SLC44A2: variants seen among roughly 807,000 people sequenced by gnomAD.
SLC44A2 encodes the protein choline transporter-like protein 2.
Under a neutral mutation model 90.8 loss-of-function variants are expected in SLC44A2, and 57 were observed. The observed-to-expected ratio is 0.63, with a 90% CI of 0.51 to 0.78. The LOEUF is 0.78. Among genes scored for constraint, SLC44A2 ranks in the 30% least tolerant of loss-of-function variants. SLC44A2 has a pLI of 0.00. For missense variants in SLC44A2, 794 were observed against 919.7 expected (o/e 0.86, Z 1.77); for synonymous variants, 355 against 360.7 (o/e 0.98, Z 0.18).
chr19:10,624,248 G>A (rs1458241116), upstream of SLC44A2, among the ~76,000 whole-genome samples: 3 of 151,912 alleles, frequency 2.0e-5, no homozygotes, highest in East Asian at 3.9e-4. Context: ...CGCCCACCTC[G>A]GCCTCCCAAA....
In SLC44A2 at chr19:10,613,842, A is replaced by G. The variant is rs188155609; in HGVS notation, c.31+11281A>G. On this transcript the variant is annotated intron_variant, in intron 1 of 21. Transcript: ENST00000407327. ...GAAGGTGAAACAGACAAGGAAACAGATTTTCCCCTAAAATCTCCGAAAGAA... is the reference window on the plus strand; with the variant it reads ...GAAGGTGAAACAGACAAGGAAACAGGTTTTCCCCTAAAATCTCCGAAAGAA... 2.3e-4 allele frequency among the ~76,000 whole-genome samples: 35 copies of G among 152,098 alleles called. No individual in the cohort carries two copies. In the East Asian group the frequency reaches 6.2e-3, roughly 27 times the overall value.
Position 10,631,490 on chromosome 19 carries a change from C to T in SLC44A2, c.457C>T (p.Leu153Phe), listed in dbSNP as rs147820753. 8,330 of 1,614,060 alleles carry T rather than the reference C, an allele frequency of 5.2e-3. 21 individuals carry two copies. Among genetic ancestry groups the T allele is most frequent in the Non-Finnish European group, 6.1e-3 (7,252 of 1,180,010 alleles). Residue 153 changes from leucine (L) to phenylalanine (F), a missense_variant, in exon 7 of 22, where the codon CTT becomes TTT. Leu to Phe is a conservative substitution (Grantham distance 22). This residue lies in a region of SLC44A2 where 738 missense variants were observed against 841.1 expected (regional missense o/e 0.88). Coordinates refer to ENST00000335757, the MANE Select transcript of SLC44A2 (RefSeq NM_020428.4). ...CTCTTGGCAGGGAGTGGCTGAGGTG[C>T]TTCAAGATGGTGACTGCCCTGCTGT... is the stretch of plus-strand genomic sequence containing the variant. The part of the protein sequence containing the change: ...FKNNKGVAEV[L>F]QDGDCPAVLI...
intron 10 of SLC44A2, 23 bp downstream of exon 10, chr19:10,632,179 C>T: frequency 6.3e-7 from 1 of 1,584,414 alleles, no homozygotes; most frequent in Non-Finnish European, 8.7e-7. Context: ...CTCCCTGTGG[C>T]TTCTCTTTCC....
chr19:10,633,004 A>G (rs1167587717), intron 10 of SLC44A2, among the ~76,000 whole-genome samples: 2 of 151,820 alleles, frequency 1.3e-5, no homozygotes, highest in African/African-American at 4.8e-5. Flanking sequence ...AAATGAGGGT[A>G]ATTCATATTT....
At position 10,616,731 on chromosome 19, in the gene SLC44A2, G is replaced by C. The variant is rs968803014; in HGVS notation, c.32-9522G>C. On this transcript the variant is annotated intron_variant, in intron 1 of 21. Transcript: ENST00000407327. ...AATACAAAAACTAGCTGGGCATGGT[G>C]GTGGGCGCCTGTCTCAAAAAAAAAA... Among the ~76,000 whole-genome samples, 98 of 151,686 alleles carry C rather than the reference G, an allele frequency of 6.5e-4. 1 individual carries two copies. Among genetic ancestry groups the C allele is most frequent in the Admixed American group, 7.9e-4 (12 of 15,180 alleles).
Position 10,643,008 on chromosome 19 carries a change from C to G in SLC44A2, c.2015-271C>G, listed in dbSNP as rs749889338. 3 of 1,563,660 alleles carry G rather than the reference C, an allele frequency of 1.9e-6. No homozygotes were observed. In the East Asian group the frequency reaches 6.8e-5, roughly 35 times the overall value. On this transcript the variant is annotated intron_variant, in intron 21 of 21. Transcript: ENST00000335757. The stretch of plus-strand genomic sequence containing the variant: ...GCGGAGGAGGGGAAGCGGGCAGAAG[C>G]CGAGGAGTAGAGAGTGAGGGAGACT...
chr19:10,618,762 C>G (rs148237091), intron 1 of SLC44A2, among the ~76,000 whole-genome samples: 7 of 151,928 alleles, frequency 4.6e-5, no homozygotes, highest in African/African-American at 1.2e-4. Context: ...TTAGTAGAGG[C>G]AGGGTTTCGC....
At chr19:10,616,494 C>T (rs1251447706) in intron 1 of SLC44A2, among the ~76,000 whole-genome samples, 14 of 152,088 alleles carry the variant, frequency 9.2e-5, no homozygotes, top group Non-Finnish European at 2.1e-4. Context: ...CTCAAGTGAT[C>T]CACCCACCTT....
rs1175997043 is a variant in SLC44A2, at chr19:10,636,546, C to T, written c.1457C>T (p.Pro486Leu). ...GCCCTGCGCAAGCCGGACGACCTGC[C>T]GGCCTTCCCGCTCTTCTCTGCCTTT... ...YWALRKPDDLPAFPLFSAFGR... is the reference protein window; with the variant it reads ...YWALRKPDDLLAFPLFSAFGR... Residue 486 changes from proline to leucine, a missense_variant, in exon 15 of 22, where the codon CCG becomes CTG. Physicochemically the swap from Pro to Leu is moderately conservative, Grantham distance 98. Transcript: ENST00000335757. 1.9e-6 allele frequency: 3 copies of T among 1,608,056 alleles called. No homozygotes were observed. Among genetic ancestry groups the T allele is most frequent in the Admixed American group, 1.7e-5 (1 of 59,956 alleles).
intron 1 of SLC44A2, among the ~76,000 whole-genome samples, chr19:10,610,104 C>G (rs1918240842): frequency 6.6e-6 from 1 of 151,638 alleles, no homozygotes; most frequent in South Asian, 2.1e-4. Context: ...CCGAGCCTGG[C>G]TAATGTTACT....
intron 21 of SLC44A2, chr19:10,643,052 CCT>C: frequency 6.7e-7 from 1 of 1,492,146 alleles, no homozygotes; most frequent in African/African-American, 1.4e-5. Flanking sequence ...GGCCAGGTTT[CCT>C]CCATGTAGAC....
upstream of SLC44A2, among the ~76,000 whole-genome samples, chr19:10,620,634 C>T (rs1423039503): frequency 6.6e-6 from 1 of 152,104 alleles, no homozygotes; most frequent in Admixed American, 6.6e-5. Flanking sequence ...ATGCTGTATA[C>T]TGGGGACGCA....
chr19:10,619,025 C>T (rs1054109528), intron 1 of SLC44A2, among the ~76,000 whole-genome samples: 45 of 135,386 alleles, frequency 3.3e-4, no homozygotes, highest in Non-Finnish European at 5.8e-4. Context: ...AGGGCAGTGG[C>T]GCAATCACAG....
Position 10,637,868 on chromosome 19 carries a change from G to A in SLC44A2, c.1708G>A (p.Gly570Ser), listed in dbSNP as rs1381735853. 5.0e-6 allele frequency: 8 copies of A among 1,614,024 alleles called. No homozygotes were observed. Among genetic ancestry groups the A allele is most frequent in the South Asian group, 1.1e-5 (1 of 91,068 alleles). The change falls in exon 18 of 22, where the codon GGC becomes AGC. Residue 570 changes from glycine (G) to serine (S), a missense_variant. Transcript: ENST00000335757. The stretch of plus-strand genomic sequence containing the variant: ...CACTCTCCTCCAGATTGCCATCTAC[G>A]GCACCAATTTCTGCACCTCGGCCAG... ...RNAYIMIAIY[G>S]TNFCTSARNA...
intron 1 of SLC44A2, among the ~76,000 whole-genome samples, chr19:10,613,963 A>AT (rs1313564758): frequency 3.3e-5 from 5 of 151,656 alleles, no homozygotes; most frequent in Non-Finnish European, 7.4e-5. Flanking sequence ...GTTTTTATTT[A>AT]TTATTATTAT....
At chr19:10,606,488 C>A (rs1464324437) in intron 1 of SLC44A2, among the ~76,000 whole-genome samples, 2 of 151,990 alleles carry the variant, frequency 1.3e-5, no homozygotes, top group Non-Finnish European at 2.9e-5. Context: ...CCAGCCTGAC[C>A]AACATGGCGA....
At chr19:10,615,083 T>A (rs1259398835) in intron 1 of SLC44A2, among the ~76,000 whole-genome samples, 1 of 147,796 alleles carries the variant, frequency 6.8e-6, no homozygotes, top group African/African-American at 2.5e-5. Context: ...AATATTAAAA[T>A]GTAAGGAAAA....
intron 1 of SLC44A2, among the ~76,000 whole-genome samples, chr19:10,612,816 G>T (rs1918343265): frequency 6.6e-6 from 1 of 152,212 alleles, no homozygotes; most frequent in African/African-American, 2.4e-5. Flanking sequence ...TCCTGGCCTT[G>T]TCCAACAGCT....
Position 10,631,767 on chromosome 19 carries a change from C to T in SLC44A2, c.626+18C>T, listed in dbSNP as rs1560710. 1,261,979 of 1,613,700 alleles carry T rather than the reference C, an allele frequency of 0.78. 494,631 individuals are homozygous for T. Among genetic ancestry groups the T allele is most frequent in the Admixed American group, 0.86 (51,611 of 59,978 alleles). On this transcript the variant is annotated intron_variant, in intron 8 of 21. Transcript: ENST00000335757. The stretch of plus-strand genomic sequence containing the variant: ...GGCGCCAAGTGAGGATATTGGCGCA[C>T]CGCGCCAGGGTCTCACTTTGCTGGG...
Sources: gnomAD v4.1 joint callset for allele counts (sites outside exome capture counted in the v4.1 genomes callset) on GRCh38, gnomAD v4.1.1 for gene constraint, gnomAD v4.1.1 regional missense constraint, MANE v1.5 for transcripts, NCBI Gene and HGNC (gene_info 2026-07-23, HGNC 2026-07-21) for gene names.